The following CFAP77 variants were observed in gnomAD, a reference collection of about 807,000 sequenced individuals.
CFAP77 encodes the protein cilia and flagella associated protein 77.
CFAP77 carries 25 observed loss-of-function variants against 31.1 expected under a neutral mutation model. The ratio of observed to expected loss-of-function variants is 0.80; its 90% CI spans 0.59 to 1.12. The LOEUF is 1.12. CFAP77 is among the 50% of genes most tolerant of loss of function. The probability of loss-of-function intolerance (pLI) is 0.00; values close to 1 mark genes in which losing one functional copy is unlikely to be tolerated. For synonymous variants in CFAP77, 151 were observed against 159.9 expected (o/e 0.94, Z 0.42); for missense variants, 377 against 397.3 (o/e 0.95, Z 0.44).
At chr9:132,465,986 C>G (rs1483981000) in intron 1 of CFAP77, among the ~76,000 whole-genome samples, 1 of 152,232 alleles carries the variant, frequency 6.6e-6, no homozygotes, top group African/African-American at 2.4e-5. Context: ...CTGTGGATAG[C>G]TGACATTAAT....
intron 1 of CFAP77, among the ~76,000 whole-genome samples, chr9:132,426,035 A>G (rs1850306773): frequency 6.6e-6 from 1 of 152,220 alleles, no homozygotes; most frequent in African/African-American, 2.4e-5. Flanking sequence ...AGCATTCACA[A>G]GCCGGCCAGT....
intron 3 of CFAP77, chr9:132,513,115 C>G (rs1278956927): frequency 2.5e-6 from 2 of 805,996 alleles, no homozygotes; most frequent in East Asian, 5.4e-5. Context: ...ATAATAATCA[C>G]ATCGTGGAGA....
At chr9:132,561,661 A>ACACACACC (rs1247071368) in intron 5 of CFAP77, among the ~76,000 whole-genome samples, 2 of 46,460 alleles carry the variant, frequency 4.3e-5, no homozygotes, top group Non-Finnish European at 8.5e-5. Context: ...ACACACACAC[A>ACACACACC]CCCCCTCCAT....
chr9:132,466,429 C>T (rs1290419019), intron 1 of CFAP77, among the ~76,000 whole-genome samples: 1 of 152,162 alleles, frequency 6.6e-6, no homozygotes, highest in Admixed American at 6.5e-5. Flanking sequence ...TACACCAAGT[C>T]CCAGGAGGAG....
intron 1 of CFAP77, among the ~76,000 whole-genome samples, chr9:132,438,541 A>ATATATATATATATATAT: frequency 2.8e-5 from 3 of 108,154 alleles, no homozygotes; most frequent in African/African-American, 4.1e-5. Flanking sequence ...ATATATATAT[A>ATATATATATATATATAT]TTTTTTTTTT....
chr9:132,450,563 G>A (rs1329618933), intron 1 of CFAP77, among the ~76,000 whole-genome samples: 1 of 152,188 alleles, frequency 6.6e-6, no homozygotes, highest in Non-Finnish European at 1.5e-5. Context: ...GGAAACTGAG[G>A]CATGGTTCAT....
chr9:132,521,762 C>A (rs1351514985), intron 3 of CFAP77, among the ~76,000 whole-genome samples: 1 of 62,562 alleles, frequency 1.6e-5, no homozygotes, highest in African/African-American at 7.6e-5. Context: ...AATAGACTTG[C>A]TTTTTTTTTT....
chr9:132,514,025 A>C (rs7044676), intron 3 of CFAP77, among the ~76,000 whole-genome samples: 13,719 of 132,626 alleles, frequency 0.1, 1,209 homozygotes, highest in African/African-American at 0.18. Context: ...GTGTCACTGA[A>C]CACGGGTGAC....
chr9:132,540,951 C>T (rs1159686274), intron 4 of CFAP77, among the ~76,000 whole-genome samples: 2 of 152,198 alleles, frequency 1.3e-5, no homozygotes, highest in Non-Finnish European at 2.9e-5. Context: ...TCAGAAAACA[C>T]TTGTTGTACC....
rs1212332755 is a variant in CFAP77, at chr9:132,411,886, CACACAT to C, written c.195+1424_195+1429del. 3.0e-4 allele frequency among the ~76,000 whole-genome samples: 45 copies of C among 150,188 alleles called. 1 individual carries two copies. Among genetic ancestry groups the C allele is most frequent in the South Asian group, 2.3e-3 (11 of 4,816 alleles). ...ACACACACACACACACACACACACA[CACACAT>C]ACATGCATATGCATTTGTGTATGCA... On this transcript the variant is annotated intron_variant, in intron 1 of 5. Transcript: ENST00000393216.
At chr9:132,538,813 T>C (rs772346739) in intron 4 of CFAP77, among the ~76,000 whole-genome samples, 1 of 148,894 alleles carries the variant, frequency 6.7e-6, no homozygotes, top group Non-Finnish European at 1.5e-5. Flanking sequence ...CCTGGCTGGG[T>C]ACGGTGGCTC....
In CFAP77 at chr9:132,539,263, G is replaced by A. The variant is rs910494389; in HGVS notation, c.630+1557G>A. ...AGTACTTTATAGACTTCATCAAGGC[G>A]TGGCTCCGGCGTGGCTAGTTGTCAT... On this transcript the variant is annotated intron_variant, in intron 4 of 5. Transcript: ENST00000393216. This position sits in a 1 kb window ranked among gnomAD's most constrained non-coding sequence, Gnocchi z 4.3. Among the ~76,000 whole-genome samples, 2 of 152,056 alleles carry A rather than the reference G, an allele frequency of 1.3e-5. No homozygotes were observed. Among genetic ancestry groups the A allele is most frequent in the Non-Finnish European group, 2.9e-5 (2 of 68,014 alleles).
intron 1 of CFAP77, among the ~76,000 whole-genome samples, chr9:132,469,294 C>A (rs1851212603): frequency 6.6e-6 from 1 of 152,340 alleles, no homozygotes; most frequent in Middle Eastern, 3.4e-3. Context: ...AAATACCTTC[C>A]ATTTCCCCCC....
intron 3 of CFAP77, among the ~76,000 whole-genome samples, chr9:132,523,745 C>A (rs1478359252): frequency 6.6e-6 from 1 of 152,168 alleles, no homozygotes; most frequent in African/African-American, 2.4e-5. Context: ...AAAAAGCAAT[C>A]TCCATGCTCT....
intron 3 of CFAP77, among the ~76,000 whole-genome samples, chr9:132,531,731 TA>T (rs1228701376): frequency 6.6e-6 from 1 of 151,912 alleles, no homozygotes; most frequent in East Asian, 1.9e-4. Flanking sequence ...GTATCCAAGG[TA>T]ATGCGCCCCA....
chr9:132,537,359 C>T (rs1349434993), intron 3 of CFAP77, among the ~76,000 whole-genome samples: 1 of 152,120 alleles, frequency 6.6e-6, no homozygotes, highest in East Asian at 1.9e-4. Context: ...GCTCAGAGGA[C>T]CAGACCTCTA....
At position 132,455,646 on chromosome 9, in the gene CFAP77, G is replaced by A. The variant is rs563406785; in HGVS notation, c.196-43049G>A. 2.6e-5 allele frequency among the ~76,000 whole-genome samples: 4 copies of A among 152,260 alleles called. No homozygotes were observed. The highest frequency in any genetic ancestry group is 1.9e-4 in the East Asian group (1 of 5,174). On this transcript the variant is annotated intron_variant, in intron 1 of 5. Transcript: ENST00000393216. The surrounding 1 kb of genome is among the most constrained non-coding windows in gnomAD (Gnocchi z 4.1). ...CTCAGGAGGCTGAGGTGGGAGGATC[G>A]CTTGAGCCTGGGAGGCGGAGGTTGT...
chr9:132,473,446 G>A (rs370355237), intron 1 of CFAP77, among the ~76,000 whole-genome samples: 3 of 152,294 alleles, frequency 2.0e-5, no homozygotes, highest in Admixed American at 6.5e-5. Context: ...GATCCAGATC[G>A]TCCTGATGAG....
At chr9:132,510,945 C>T (rs1022419387) in intron 3 of CFAP77, among the ~76,000 whole-genome samples, 1 of 152,080 alleles carries the variant, frequency 6.6e-6, no homozygotes, top group Non-Finnish European at 1.5e-5. Context: ...GAAACCAAGG[C>T]CCAGAGACAC....
Sources: allele counts gnomAD v4.1 joint callset (sites outside exome capture counted in the v4.1 genomes callset), GRCh38; gene constraint gnomAD v4.1.1; non-coding constraint Gnocchi (gnomAD v3.1); transcripts MANE v1.5; gene names NCBI Gene and HGNC (gene_info 2026-07-23, HGNC 2026-07-21).